ZNF48: variants seen among roughly 807,000 people sequenced by gnomAD.
ZNF48 encodes zinc finger protein 553.
Under a neutral mutation model 40.0 loss-of-function variants are expected in ZNF48, and 20 were observed. The ratio of observed to expected loss-of-function variants is 0.50; its 90% confidence interval spans 0.35 to 0.73. The LOEUF (loss-of-function observed/expected upper bound fraction) is 0.73, where lower values mean the gene tolerates loss of function less well. Ranked by LOEUF, ZNF48 falls within the 30% of genes least tolerant of loss-of-function variation. The probability of loss-of-function intolerance (pLI) is 0.01; values close to 1 mark genes in which losing one functional copy is unlikely to be tolerated. For synonymous variants in ZNF48, 298 were observed against 329.7 expected (o/e 0.90, Z 1.04); for missense variants, 726 against 851.9 (o/e 0.85, Z 1.84).
At chr16:30,392,484 T>G (rs768464424), upstream of ZNF48, among the ~76,000 whole-genome samples, 24 of 152,204 alleles carry the variant, frequency 1.6e-4, no homozygotes, top group Non-Finnish European at 3.2e-4. Flanking sequence ...TGTGGCCCAC[T>G]GTTTATTCAG....
In ZNF48 at chr16:30,396,728, T is replaced by A. The variant is rs139529748; in HGVS notation, c.80-602T>A. 8.6e-3 allele frequency among the ~76,000 whole-genome samples: 1,231 copies of A among 143,278 alleles called. 10 individuals are homozygous for A. The highest frequency in any genetic ancestry group is 0.014 in the Non-Finnish European group (925 of 66,848). 94.0% of individuals were successfully genotyped at this position (143,278 alleles called of 152,430 possible). On this transcript the variant is annotated intron_variant, in intron 2 of 2. Transcript: ENST00000613509. ...TTTTTTTTTGGCGACAGGGTCTCAC[T>A]GTGTCACCCAGGCTAGAGTGGCACA... is the stretch of plus-strand genomic sequence containing the variant.
chr16:30,379,329 G>A (rs2049805584), intron 1 of ZNF48: 1 of 1,422,670 alleles, frequency 7.0e-7, no homozygotes, highest in African/African-American at 1.4e-5. Context: ...TTCCTCCTAG[G>A]ATCCCCTGGG....
Position 30,398,416 on chromosome 16 carries a change from T to G in ZNF48, c.1166T>G (p.Phe389Cys). 1 of 1,606,862 alleles carries G rather than the reference T, an allele frequency of 6.2e-7. No individual in the cohort carries two copies. The highest frequency in any genetic ancestry group is 8.5e-7 in the Non-Finnish European group (1 of 1,175,238). Residue 389 changes from phenylalanine to cysteine, a missense_variant, in exon 3 of 3, where the codon TTC becomes TGC. By Grantham distance (205) the Phe-to-Cys change is radical. Coordinates refer to ENST00000613509, the MANE Select transcript of ZNF48 (RefSeq NM_001214909.2). This position sits in a 1 kb window ranked among gnomAD's most constrained non-coding sequence, Gnocchi z 6.6. ...LTHMEPQDFS[F>C]PGYPLPALIP... is the part of the protein sequence containing the mutation. ...CACATGGAGCCCCAGGACTTCAGCT[T>G]CCCAGGCTATCCCCTACCCGCTCTG...
At chr16:30,383,411 G>A (rs547057598) in intron 1 of ZNF48, among the ~76,000 whole-genome samples, 4 of 152,214 alleles carry the variant, frequency 2.6e-5, no homozygotes, top group African/African-American at 7.2e-5. Flanking sequence ...GGATGGTTTC[G>A]ATCTCCTGAC....
chr16:30,396,190 G>C (rs1027891694), intron 2 of ZNF48, among the ~76,000 whole-genome samples: 2 of 152,116 alleles, frequency 1.3e-5, no homozygotes, highest in Admixed American at 1.3e-4. Context: ...TCGCCAGCTT[G>C]ATCTAAGTCC....
rs1453043298 is a variant in ZNF48 at position 30,382,555 on chromosome 16, C to T, written c.-16+4145C>T. ...CTCCGCCAGCCATCACTGCACCTGC[C>T]GTCTCTCCCCACTTCCTCTGGTGGG... On this transcript the variant is annotated intron_variant, in intron 1 of 2. Coordinates refer to the ZNF48 transcript ENST00000528032. The surrounding 1 kb of genome is among the most constrained non-coding windows in gnomAD (Gnocchi z 4.8). 2.1e-5 allele frequency: 34 copies of T among 1,588,814 alleles called. No individual in the cohort carries two copies. The highest frequency in any genetic ancestry group is 2.7e-5 in the Non-Finnish European group (32 of 1,167,580).
Position 30,381,065 on chromosome 16 carries a change from G to T in ZNF48, c.-16+2655G>T. On this transcript the variant is annotated intron_variant, in intron 1 of 2. Transcript: ENST00000528032. The surrounding 1 kb of genome is among the most constrained non-coding windows in gnomAD (Gnocchi z 4.3). The stretch of plus-strand genomic sequence containing the variant: ...GAAAGGCCACTTCAAGATCAAAGAA[G>T]TCTAAGCTGAAATCAGGTTTGGCTT... 7.6e-7 allele frequency: 1 copy of T among 1,307,222 alleles called. No homozygotes were observed. Among genetic ancestry groups the T allele is most frequent in the Non-Finnish European group, 1.1e-6 (1 of 900,088 alleles). The allele number at this position is 1,307,222 out of a possible 1,614,324, so 81.0% of individuals were successfully genotyped here.
At position 30,397,120 on chromosome 16, in the gene ZNF48, T is replaced by C. The variant is rs906221420; in HGVS notation, c.80-210T>C. Among the ~76,000 whole-genome samples, 26 of 152,182 alleles carry C rather than the reference T, an allele frequency of 1.7e-4. No homozygotes were observed. Among genetic ancestry groups the C allele is most frequent in the Non-Finnish European group, 3.5e-4 (24 of 68,038 alleles). ...GTTTGCAAGCGTTTAATACTAATGC[T>C]GAGTTTGGTGAATGACATACATTAA... is the stretch of plus-strand genomic sequence containing the variant. On this transcript the variant is annotated intron_variant, in intron 2 of 2. Coordinates refer to ENST00000613509, the MANE Select transcript of ZNF48 (RefSeq NM_001214909.2). This position sits in a 1 kb window ranked among gnomAD's most constrained non-coding sequence, Gnocchi z 4.1.
rs1332114998 is a variant in ZNF48, at chr16:30,382,691, G to T, written c.-16+4281G>T. 1.3e-6 allele frequency: 2 copies of T among 1,531,464 alleles called. No homozygotes were observed. The highest frequency in any genetic ancestry group is 1.4e-5 in the African/African-American group (1 of 73,018). The allele number at this position is 1,531,464 out of a possible 1,614,324, so 94.9% of individuals were successfully genotyped here. A position where few individuals can be genotyped will look rare whatever the true frequency, so the allele number is the denominator to read the frequency against. On this transcript the variant is annotated intron_variant, in intron 1 of 2. Coordinates refer to the ZNF48 transcript ENST00000528032. The surrounding 1 kb of genome is among the most constrained non-coding windows in gnomAD (Gnocchi z 4.8). ...AAGGCCAAGGCCAAGAACACTTGGG[G>T]TTGCCACCTCCTGGACCCCTTTGCC... is the stretch of plus-strand genomic sequence containing the variant.
intron 1 of ZNF48, among the ~76,000 whole-genome samples, chr16:30,388,131 T>C (rs1056462141): frequency 6.6e-6 from 1 of 151,796 alleles, no homozygotes; most frequent in African/African-American, 2.4e-5. Context: ...CCACCACGCT[T>C]GGCTAATTTT....
chr16:30,395,631 C>A lies in ZNF48; in HGVS notation c.-16+53C>A, dbSNP rs1308107240. ...GAGCAGCAGGTGCAGGGGCGGCCGG[C>A]GGCGCGGGCAGGGGGCACCGGGAGC... On this transcript the variant is annotated intron_variant, in intron 1 of 2. Transcript: ENST00000613509. The surrounding 1 kb of genome is among the most constrained non-coding windows in gnomAD (Gnocchi z 5.9). 5 of 400,080 alleles carry A rather than the reference C, an allele frequency of 1.2e-5. No homozygotes were observed. The highest frequency in any genetic ancestry group is 1.9e-5 in the Non-Finnish European group (5 of 269,202). 24.8% of individuals were successfully genotyped at this position (400,080 alleles called of 1,614,324 possible).
At position 30,381,014 on chromosome 16, in the gene ZNF48, A is replaced by G; in HGVS notation, c.-16+2604A>G. On this transcript the variant is annotated intron_variant, in intron 1 of 2. Coordinates refer to the ZNF48 transcript ENST00000528032. This position sits in a 1 kb window ranked among gnomAD's most constrained non-coding sequence, Gnocchi z 4.3. The stretch of plus-strand genomic sequence containing the variant: ...CGCCTTCCTCAGAAGCTTCTCCTAC[A>G]ATCTAGCCTGATGCACCATGCTCCA... 1.1e-6 allele frequency: 1 copy of G among 879,018 alleles called. No individual in the cohort carries two copies. Among genetic ancestry groups the G allele is most frequent in the Non-Finnish European group, 1.9e-6 (1 of 526,946 alleles). 54.5% of individuals were successfully genotyped at this position (879,018 alleles called of 1,614,324 possible). A position where few individuals can be genotyped will look rare whatever the true frequency, so the allele number is the denominator to read the frequency against.
rs369397848 is a variant in ZNF48, at chr16:30,398,836, G to A, written c.1586G>A (p.Arg529Gln). The A allele has an allele frequency of 1.7e-5, 28 of 1,613,702 alleles. No individual in the cohort carries two copies. In the Middle Eastern group the frequency reaches 6.6e-4, roughly 38 times the overall value. ...NPPGPVPMAP[R>Q]PRVRAQPSGP... ...CCTGGCCCAGTACCCATGGCCCCTC[G>A]ACCCCGAGTTCGGGCCCAGCCTTCT... The change falls in exon 3 of 3, where the codon CGA becomes CAA. Residue 529 changes from arginine to glutamine, a missense_variant. Physicochemically the swap from Arg to Gln is conservative, Grantham distance 43. Coordinates refer to ENST00000613509, the MANE Select transcript of ZNF48 (RefSeq NM_001214909.2). The surrounding 1 kb of genome is among the most constrained non-coding windows in gnomAD (Gnocchi z 6.6).
chr16:30,382,365 C>T lies in ZNF48; in HGVS notation c.-16+3955C>T. 6.2e-7 allele frequency: 1 copy of T among 1,610,112 alleles called. No homozygotes were observed. The highest frequency in any genetic ancestry group is 8.5e-7 in the Non-Finnish European group (1 of 1,177,752). On this transcript the variant is annotated intron_variant, in intron 1 of 2. Transcript: ENST00000528032. The surrounding 1 kb of genome is among the most constrained non-coding windows in gnomAD (Gnocchi z 4.8). ...GCAGCAAAACCCACGTACTCCTTGT[C>T]CTATGGATGGGGGTGGACAATATGA...
chr16:30,395,649 C>G lies in ZNF48; in HGVS notation c.-16+71C>G. ...CGGCCGGCGGCGCGGGCAGGGGGCA[C>G]CGGGAGCCGCGCCCGTACCTGGGAC... is the stretch of plus-strand genomic sequence containing the variant. On this transcript the variant is annotated intron_variant, in intron 1 of 2. Transcript: ENST00000613509. This position sits in a 1 kb window ranked among gnomAD's most constrained non-coding sequence, Gnocchi z 5.9. 1.6e-6 allele frequency: 1 copy of G among 627,276 alleles called. No homozygotes were observed. The highest frequency in any genetic ancestry group is 5.3e-5 in the East Asian group (1 of 19,028). 38.9% of individuals were successfully genotyped at this position (627,276 alleles called of 1,614,324 possible). A position where few individuals can be genotyped will look rare whatever the true frequency, so the allele number is the denominator to read the frequency against.
chr16:30,394,242 AG>A (rs1421673096), upstream of ZNF48, among the ~76,000 whole-genome samples: 35 of 152,310 alleles, frequency 2.3e-4, no homozygotes, highest in African/African-American at 7.9e-4. Flanking sequence ...TAGCTCTCCA[AG>A]GACAAATCTT....
Position 30,397,988 on chromosome 16 carries a change from G to C in ZNF48, c.738G>C (p.Gln246His). The change falls in exon 3 of 3, where the codon CAG becomes CAC. Residue 246 changes from glutamine to histidine, a missense_variant. Physicochemically the swap from Gln to His is conservative, Grantham distance 24 (BLOSUM62 0). Around this residue, in one of 5 missense-constraint regions of ZNF48, gnomAD observed 378 missense variants for 449.1 expected, o/e 0.84. Coordinates refer to ENST00000613509, the MANE Select transcript of ZNF48 (RefSeq NM_001214909.2). The surrounding 1 kb of genome is among the most constrained non-coding windows in gnomAD (Gnocchi z 4.1). The part of the protein sequence containing the change: ...IKHQRTHRGE[Q>H]PPRPVVPRRQ... ...ACCAGCGGACACACCGGGGGGAGCA[G>C]CCCCCCCGACCAGTGGTGCCCCGAC... The C allele has an allele frequency of 1.9e-6, 3 of 1,613,508 alleles. No individual in the cohort carries two copies. Among genetic ancestry groups the C allele is most frequent in the Non-Finnish European group, 2.5e-6 (3 of 1,179,846 alleles).
intron 1 of ZNF48, chr16:30,379,638 C>A: frequency 3.4e-6 from 1 of 295,692 alleles, no homozygotes; most frequent in Non-Finnish European, 5.7e-6. Context: ...CTGCCCCTTC[C>A]TCTTTTTTTT....
intron 1 of ZNF48, among the ~76,000 whole-genome samples, chr16:30,383,223 C>T (rs1176029262): frequency 6.6e-6 from 1 of 152,148 alleles, no homozygotes; most frequent in Non-Finnish European, 1.5e-5. Context: ...GAGTCTCGCT[C>T]TGTTGCCCAG....
Sources: allele counts gnomAD v4.1 joint callset (sites outside exome capture counted in the v4.1 genomes callset), GRCh38; gene constraint gnomAD v4.1.1; regional missense constraint gnomAD v4.1.1; non-coding constraint Gnocchi (gnomAD v3.1); transcripts MANE v1.5; gene names NCBI Gene and HGNC (gene_info 2026-07-23, HGNC 2026-07-21).